STEEP1: variants seen among roughly 807,000 people sequenced by gnomAD.
STEEP1 encodes STING ER exit protein.
Under a neutral mutation model 19.2 loss-of-function variants are expected in STEEP1, and 3 were observed. That is an observed-to-expected ratio of 0.16 (90% CI 0.07 to 0.40). The LOEUF (loss-of-function observed/expected upper bound fraction) is 0.40, where lower values mean the gene tolerates loss of function less well. Among genes scored for constraint, STEEP1 ranks in the 10% least tolerant of loss-of-function variants. The pLI is 0.99. For missense variants in STEEP1, 54 were observed against 177.1 expected, an observed-to-expected ratio of 0.30 and a Z score of 3.94; for synonymous variants, 46 against 63.7, an observed-to-expected ratio of 0.72 and a Z score of 1.32.
At chrX:119,561,389 G>T (rs2147361769) in intron 1 of STEEP1, among the ~76,000 whole-genome samples, 1 of 111,399 alleles carries the variant, frequency 9.0e-6, no homozygotes, top group Admixed American at 9.6e-5. Context: ...AATGGGCCAG[G>T]TGCGGTGGCT....
chrX:119,542,992 T>C (rs1336145670), intron 4 of STEEP1, among the ~76,000 whole-genome samples: 1 of 34,614 alleles, frequency 2.9e-5, no homozygotes, highest in Non-Finnish European at 4.9e-5. Flanking sequence ...AGAGACTGGG[T>C]CTCGCAAAAA....
Position 119,539,301 on chromosome X carries a change from G to A in STEEP1, c.*426C>T, listed in dbSNP as rs2053144918. On this transcript the variant is annotated 3_prime_UTR_variant, in exon 7 of 7. Transcript: ENST00000644802. ...AATCCCAGCACTTTGGGAGGCCTAG[G>A]TGGGTGGATCATTTGAGGTCAGGAG... 8.7e-6 allele frequency: 1 copy of A among 114,893 alleles called. No individual in the cohort carries two copies. Among genetic ancestry groups the A allele is most frequent in the South Asian group, 3.5e-4 (1 of 2,881 alleles). 9.5% of individuals were successfully genotyped at this position (114,893 alleles called of 1,213,427 possible). A position where few individuals can be genotyped will look rare whatever the true frequency, so the allele number is the denominator to read the frequency against.
At chrX:119,554,578 G>A (rs1455275304) in intron 2 of STEEP1, among the ~76,000 whole-genome samples, 1 of 111,802 alleles carries the variant, frequency 8.9e-6, no homozygotes, top group Non-Finnish European at 1.9e-5. Flanking sequence ...ACACCAAAAG[G>A]ACATCACAGA....
intron 2 of STEEP1, among the ~76,000 whole-genome samples, chrX:119,550,980 C>T (rs2147351648): frequency 9.0e-6 from 1 of 110,585 alleles, no homozygotes; most frequent in African/African-American, 3.3e-5. Flanking sequence ...AGATATGATG[C>T]CTAAAGCACA....
At chrX:119,544,931 G>C (rs1255087469) in intron 3 of STEEP1, among the ~76,000 whole-genome samples, 2 of 109,640 alleles carry the variant, frequency 1.8e-5, no homozygotes, top group African/African-American at 6.6e-5. Flanking sequence ...ACAAGAGCAA[G>C]ACTCTGTCTC....
At chrX:119,542,990 G>A (rs776908715) in intron 4 of STEEP1, among the ~76,000 whole-genome samples, 1 of 52,499 alleles carries the variant, frequency 1.9e-5, no homozygotes, top group South Asian at 1.5e-3. Flanking sequence ...GTAGAGACTG[G>A]GTCTCGCAAA....
At chrX:119,562,951 T>TA (rs1245452286) in intron 1 of STEEP1, among the ~76,000 whole-genome samples, 13 of 110,581 alleles carry the variant, frequency 1.2e-4, no homozygotes, top group African/African-American at 4.3e-4. Flanking sequence ...AAATACCAAT[T>TA]AAAAAGGCAC....
At chrX:119,555,100 C>A (rs1328813741) in intron 2 of STEEP1, among the ~76,000 whole-genome samples, 1 of 95,694 alleles carries the variant, frequency 1.0e-5, no homozygotes, top group Non-Finnish European at 2.0e-5. Flanking sequence ...CAGAGTGAGA[C>A]CCTGCCTCAA....
chrX:119,542,997 C>CAAAAA (rs60574433), intron 4 of STEEP1, among the ~76,000 whole-genome samples: 14 of 47,896 alleles, frequency 2.9e-4, no homozygotes, highest in African/African-American at 4.5e-4. Flanking sequence ...CTGGGTCTCG[C>CAAAAA]AAAAAAAAAA....
intron 2 of STEEP1, among the ~76,000 whole-genome samples, chrX:119,557,032 C>G (rs1241867394): frequency 9.4e-6 from 1 of 106,855 alleles, no homozygotes; most frequent in South Asian, 4.2e-4. Context: ...GGTGCACAAC[C>G]GTAATCCCAG....
At chrX:119,546,932 A>ATGGT (rs2053210159) in intron 2 of STEEP1, among the ~76,000 whole-genome samples, 1 of 111,374 alleles carries the variant, frequency 9.0e-6, no homozygotes, top group Non-Finnish European at 1.9e-5. Flanking sequence ...TCAACTTTGT[A>ATGGT]ATAGGCAATA....
intron 2 of STEEP1, among the ~76,000 whole-genome samples, chrX:119,556,583 A>G (rs1342211934): frequency 0.01 from 182 of 18,116 alleles, no homozygotes; most frequent in Non-Finnish European, 0.019. Flanking sequence ...ACTCCGTCTC[A>G]AAAAAAAAAA....
At chrX:119,543,838 T>C (rs191224496) in intron 4 of STEEP1, among the ~76,000 whole-genome samples, 101 of 112,150 alleles carry the variant, frequency 9.0e-4, no homozygotes, top group African/African-American at 3.2e-3. Flanking sequence ...AAAAAAAAAT[T>C]TGTAAAATAA....
intron 2 of STEEP1, among the ~76,000 whole-genome samples, chrX:119,549,954 TAA>T (rs2053232669): frequency 8.9e-6 from 1 of 112,010 alleles, no homozygotes; most frequent in Admixed American, 9.6e-5. Flanking sequence ...AGGAACAAGA[TAA>T]AGATGCCACT....
intron 1 of STEEP1, among the ~76,000 whole-genome samples, chrX:119,562,481 C>T (rs1184583879): frequency 4.7e-5 from 5 of 105,311 alleles, no homozygotes; most frequent in African/African-American, 1.4e-4. Context: ...TGCAGTGAGC[C>T]GAGATGGTGC....
intron 1 of STEEP1, 137 bp downstream of exon 1, chrX:119,565,095 G>A: frequency 9.8e-7 from 1 of 1,016,926 alleles, no homozygotes; most frequent in Non-Finnish European, 1.3e-6. Flanking sequence ...GGATGCGTAG[G>A]GAGGATTTAG....
At chrX:119,559,325 G>A (rs140384758) in intron 2 of STEEP1, among the ~76,000 whole-genome samples, 57 of 111,370 alleles carry the variant, frequency 5.1e-4, no homozygotes, top group Admixed American at 8.6e-4. Context: ...TGCCGTTCCT[G>A]TAAAGTAACC....
chrX:119,554,458 C>A (rs2053265113), intron 2 of STEEP1, among the ~76,000 whole-genome samples: 2 of 111,019 alleles, frequency 1.8e-5, no homozygotes, highest in South Asian at 7.6e-4. Context: ...AAAAAAAATT[C>A]TCCATTCTGG....
intron 1 of STEEP1, among the ~76,000 whole-genome samples, chrX:119,563,651 A>G (rs1386134202): frequency 9.0e-6 from 1 of 111,210 alleles, no homozygotes; most frequent in Non-Finnish European, 1.9e-5. Flanking sequence ...CGGAAGTTGC[A>G]GTGAGCTGAG....
Sources: allele counts gnomAD v4.1 joint callset (sites outside exome capture counted in the v4.1 genomes callset), GRCh38; gene constraint gnomAD v4.1.1; transcripts MANE v1.5; gene names NCBI Gene and HGNC (gene_info 2026-07-23, HGNC 2026-07-21).